The following PEX14 variants were observed in gnomAD, a reference collection of about 807,000 sequenced individuals.
PEX14 encodes the protein peroxisomal biogenesis factor 14.
A neutral mutation model predicts 49.5 loss-of-function variants in PEX14; 15 were observed. The observed-to-expected ratio is 0.30, with a 90% confidence interval of 0.20 to 0.47. The LOEUF (loss-of-function observed/expected upper bound fraction) is 0.47, where lower values mean the gene tolerates loss of function less well. Ranked by LOEUF, PEX14 falls within the 20% of genes least tolerant of loss-of-function variation. The probability of loss-of-function intolerance (pLI) is 1.00; values close to 1 mark genes in which losing one functional copy is unlikely to be tolerated. For missense variants in PEX14, 398 were observed against 494.8 expected (o/e 0.80, Z 1.86); for synonymous variants, 210 against 212.7 (o/e 0.99, Z 0.11).
In PEX14 at chr1:10,611,378, G is replaced by A. The variant is rs80045054; in HGVS notation, c.299-6954G>A. On this transcript the variant is annotated intron_variant, in intron 4 of 8. Coordinates refer to ENST00000356607, the MANE Select transcript of PEX14 (RefSeq NM_004565.3). ...GCCAACTTCTGTTGCTCCATGTACC[G>A]CAATTTCTTTATCTGTTGACCAGTT... is the stretch of plus-strand genomic sequence containing the variant. Among the ~76,000 whole-genome samples, 1,443 of 152,288 alleles carry A rather than the reference G, an allele frequency of 9.5e-3. 29 individuals are homozygous for A. The highest frequency in any genetic ancestry group is 0.033 in the African/African-American group (1,359 of 41,566).
At chr1:10,521,784 T>C (rs1023972979) in intron 2 of PEX14, among the ~76,000 whole-genome samples, 6 of 152,242 alleles carry the variant, frequency 3.9e-5, no homozygotes, top group African/African-American at 1.4e-4. Context: ...CCCTTCTCAT[T>C]ATATACTTTT....
At position 10,629,560 on chromosome 1, in the gene PEX14, C is replaced by G. The variant is rs141373791; in HGVS notation, c.707C>G (p.Pro236Arg). 2.5e-6 allele frequency: 4 copies of G among 1,613,770 alleles called. No homozygotes were observed. The highest frequency in any genetic ancestry group is 2.7e-5 in the African/African-American group (2 of 74,930). Residue 236 changes from proline (P) to arginine (R), a missense_variant, in exon 9 of 9, where the codon CCG becomes CGG. By Grantham distance (103) the Pro-to-Arg change is moderately radical (BLOSUM62 -2). Around this residue, in one of 3 missense-constraint regions of PEX14, gnomAD observed 202 missense variants for 298.5 expected, o/e 0.68. Transcript: ENST00000356607. This position sits in a 1 kb window ranked among gnomAD's most constrained non-coding sequence, Gnocchi z 8.5. ...CAGTTCCCTCCATCCCCATCAGCCC[C>G]GAAGATCCCCTCCTGGCAGATCCCA... ...RRQFPPSPSA[P>R]KIPSWQIPVK...
intron 3 of PEX14, among the ~76,000 whole-genome samples, chr1:10,558,567 T>G (rs1301929685): frequency 6.6e-6 from 1 of 151,524 alleles, no homozygotes; most frequent in African/African-American, 2.4e-5. Flanking sequence ...AAACCCCATC[T>G]CTCTACTAAA....
chr1:10,611,674 A>T (rs1455511330), intron 4 of PEX14, among the ~76,000 whole-genome samples: 1 of 152,228 alleles, frequency 6.6e-6, no homozygotes, highest in Non-Finnish European at 1.5e-5. Flanking sequence ...GAGTTTAGCC[A>T]TTCTAATGTG....
intron 5 of PEX14, 24 bp from the exon 6 acceptor site, chr1:10,622,995 C>T (rs1411411606): frequency 6.5e-7 from 1 of 1,537,494 alleles, no homozygotes; most frequent in Admixed American, 1.7e-5. Flanking sequence ...GTATGCATTC[C>T]TCACCCTGTC....
intron 7 of PEX14, among the ~76,000 whole-genome samples, chr1:10,626,705 C>T (rs1484896872): frequency 6.6e-6 from 1 of 152,244 alleles, no homozygotes; most frequent in African/African-American, 2.4e-5. Context: ...CACACGGAGG[C>T]CTCGTGGCAT....
chr1:10,583,283 A>G (rs1289806344), intron 3 of PEX14, among the ~76,000 whole-genome samples: 4 of 150,426 alleles, frequency 2.7e-5, no homozygotes, highest in African/African-American at 9.8e-5. Context: ...GCAGTGGTGC[A>G]GTCATGGCTC....
chr1:10,558,030 G>A (rs1639544735), intron 3 of PEX14, among the ~76,000 whole-genome samples: 2 of 152,052 alleles, frequency 1.3e-5, no homozygotes, highest in South Asian at 4.2e-4. Flanking sequence ...TAAATATACT[G>A]ATGTGTGATC....
At chr1:10,546,786 G>A (rs1000669277) in intron 3 of PEX14, among the ~76,000 whole-genome samples, 15 of 141,644 alleles carry the variant, frequency 1.1e-4, no homozygotes, top group African/African-American at 1.9e-4. Context: ...GGAGAATGGC[G>A]TGAACCCGGG....
chr1:10,544,524 T>C (rs918216771), intron 3 of PEX14, among the ~76,000 whole-genome samples: 1 of 152,140 alleles, frequency 6.6e-6, no homozygotes, highest in South Asian at 2.1e-4. Context: ...TAAGCAGCTT[T>C]ATTGAGGTGT....
rs1641939610 is a variant in PEX14 at position 10,514,525 on chromosome 1, C to T, written c.84+19204C>T. Among the ~76,000 whole-genome samples the T allele has an allele frequency of 1.3e-5, 2 of 152,136 alleles. No homozygotes were observed. Among genetic ancestry groups the T allele is most frequent in the African/African-American group, 4.8e-5 (2 of 41,420 alleles). On this transcript the variant is annotated intron_variant, in intron 2 of 8. Coordinates refer to ENST00000356607, the MANE Select transcript of PEX14 (RefSeq NM_004565.3). The surrounding 1 kb of genome is among the most constrained non-coding windows in gnomAD (Gnocchi z 4.4). Reference sequence around the variant, plus strand: ...TATTTTGTTCAAGGTTCCACGTTCACACAGGAACTTTGGGCCTAAGACGCA... The same window carrying T: ...TATTTTGTTCAAGGTTCCACGTTCATACAGGAACTTTGGGCCTAAGACGCA...
At chr1:10,600,491 C>T (rs1002782849) in intron 4 of PEX14, among the ~76,000 whole-genome samples, 3 of 149,014 alleles carry the variant, frequency 2.0e-5, no homozygotes, top group African/African-American at 7.5e-5. Context: ...CCAAGGCAGG[C>T]GGATCACTTG....
Position 10,629,799 on chromosome 1 carries a change from G to A in PEX14, c.946G>A (p.Glu316Lys), listed in dbSNP as rs903736101. Reference protein sequence around the residue: ...KGQVRMEVQGEEEKREDKEDE... With the variant: ...KGQVRMEVQGKEEKREDKEDE... ...CCAGGTGCGGATGGAGGTGCAAGGCGAGGAGGAGAAGAGGGAGGACAAGGA... is the reference window on the plus strand; with the variant it reads ...CCAGGTGCGGATGGAGGTGCAAGGCAAGGAGGAGAAGAGGGAGGACAAGGA... The change falls in exon 9 of 9, where the codon GAG (glutamate) becomes AAG (lysine). Residue 316 changes from glutamate to lysine, a missense_variant. Physicochemically the swap from Glu to Lys is moderately conservative, Grantham distance 56 (BLOSUM62 1). Coordinates refer to ENST00000356607, the MANE Select transcript of PEX14 (RefSeq NM_004565.3). The surrounding 1 kb of genome is among the most constrained non-coding windows in gnomAD (Gnocchi z 8.5). 16 of 1,585,654 alleles carry A rather than the reference G, an allele frequency of 1.0e-5. No homozygotes were observed. Among genetic ancestry groups the A allele is most frequent in the Non-Finnish European group, 1.4e-5 (16 of 1,160,854 alleles).
In PEX14 at chr1:10,630,406, A is replaced by T. The variant is rs1641891287; in HGVS notation, c.*419A>T. Reference sequence around the variant, plus strand: ...CCTCCCGACTCCTCAGTGGAGGAGGAGCTGCGGTCCCTCTGGTGTCTGCCA... The same window carrying T: ...CCTCCCGACTCCTCAGTGGAGGAGGTGCTGCGGTCCCTCTGGTGTCTGCCA... On this transcript the variant is annotated 3_prime_UTR_variant, in exon 9 of 9. Coordinates refer to ENST00000356607, the MANE Select transcript of PEX14 (RefSeq NM_004565.3). This position sits in a 1 kb window ranked among gnomAD's most constrained non-coding sequence, Gnocchi z 4.1. 1 of 201,894 alleles carries T rather than the reference A, an allele frequency of 5.0e-6. No homozygotes were observed. Among genetic ancestry groups the T allele is most frequent in the African/African-American group, 2.3e-5 (1 of 42,698 alleles). The allele number at this position is 201,894 out of a possible 1,614,324, so 12.5% of individuals were successfully genotyped here. A position where few individuals can be genotyped will look rare whatever the true frequency, so the allele number is the denominator to read the frequency against.
intron 2 of PEX14, chr1:10,517,147 G>C (rs1641983283): frequency 6.6e-6 from 1 of 152,252 alleles, no homozygotes; most frequent in Non-Finnish European, 1.5e-5. Context: ...AGGAGCACGT[G>C]AACCAGGGAG....
chr1:10,546,245 A>G (rs879519868), intron 3 of PEX14, among the ~76,000 whole-genome samples: 1 of 152,004 alleles, frequency 6.6e-6, no homozygotes, highest in Non-Finnish European at 1.5e-5. Flanking sequence ...AGGAACCTCT[A>G]GGAATTTTGA....
intron 1 of PEX14, among the ~76,000 whole-genome samples, chr1:10,484,296 C>T (rs1172165932): frequency 6.6e-6 from 1 of 151,646 alleles, no homozygotes; most frequent in Admixed American, 6.6e-5. Flanking sequence ...CCTCGGCCTC[C>T]CAAAGTGCTG....
intron 4 of PEX14, among the ~76,000 whole-genome samples, chr1:10,609,176 T>C (rs1478013678): frequency 6.6e-6 from 1 of 152,256 alleles, no homozygotes; most frequent in African/African-American, 2.4e-5. Flanking sequence ...GATGGACATT[T>C]AGATTGTCTC....
At chr1:10,480,263 T>TA (rs1363643898) in intron 1 of PEX14, among the ~76,000 whole-genome samples, 1 of 151,606 alleles carries the variant, frequency 6.6e-6, no homozygotes, top group African/African-American at 2.4e-5. Flanking sequence ...CAGGCTGGAG[T>TA]ACAGTGGCTC....
Sources: allele counts gnomAD v4.1 joint callset (sites outside exome capture counted in the v4.1 genomes callset), GRCh38; gene constraint gnomAD v4.1.1; regional missense constraint gnomAD v4.1.1; non-coding constraint Gnocchi (gnomAD v3.1); transcripts MANE v1.5; gene names NCBI Gene and HGNC (gene_info 2026-07-23, HGNC 2026-07-21).